CEP162: variants seen among roughly 807,000 people sequenced by gnomAD.
CEP162 encodes centrosomal protein 162.
In CEP162, 141 loss-of-function variants were observed where a neutral mutation model predicts 169.2. The ratio of observed to expected loss-of-function variants is 0.83; its 90% CI spans 0.73 to 0.96. The LOEUF is 0.96. CEP162 is among the 40% of genes least tolerant of loss of function. CEP162 has a pLI of 0.00. For synonymous variants in CEP162, 540 were observed against 526.4 expected (o/e 1.03, Z -0.35); for missense variants, 1,600 against 1,587.2 (o/e 1.01, Z -0.14).
intron 11 of CEP162, 55 bp downstream of exon 11, chr6:84,193,554 G>A: frequency 9.4e-7 from 1 of 1,065,870 alleles, no homozygotes; most frequent in Non-Finnish European, 1.4e-6. Context: ...TGATTACATA[G>A]AACAAATGAC....
chr6:84,125,159 A>G lies in CEP162; in HGVS notation c.4123T>C (p.Ser1375Pro). 6.2e-7 allele frequency: 1 copy of G among 1,613,474 alleles called. No homozygotes were observed. The highest frequency in any genetic ancestry group is 8.5e-7 in the Non-Finnish European group (1 of 1,179,634). Residue 1375 changes from serine (S) to proline (P), a missense_variant, in exon 27 of 27, where the codon TCA (serine) becomes CCA (proline). Coordinates refer to ENST00000403245, the MANE Select transcript of CEP162 (RefSeq NM_014895.4). Reference sequence around the variant, plus strand: ...AGCTCTCGGAGAACATCTAATATTGAGTCTAGTTCTGTGCGGAACTTCTCC... The same window carrying G: ...AGCTCTCGGAGAACATCTAATATTGGGTCTAGTTCTGTGCGGAACTTCTCC... ...ELEKFRTELD[S>P]ILDVLRELHR...
At chr6:84,181,647 A>T (rs1460111731) in intron 13 of CEP162, among the ~76,000 whole-genome samples, 4 of 152,158 alleles carry the variant, frequency 2.6e-5, no homozygotes, top group Non-Finnish European at 5.9e-5. Context: ...AAGAAAATTC[A>T]GTCAAAAAGA....
At chr6:84,188,521 T>C (rs968079525) in intron 11 of CEP162, among the ~76,000 whole-genome samples, 25 of 152,204 alleles carry the variant, frequency 1.6e-4, no homozygotes, top group Non-Finnish European at 3.1e-4. Flanking sequence ...CTTAGGACAA[T>C]GGCCTCTAGC....
rs376264121 is a variant in CEP162, at chr6:84,153,162, T to C, written c.3012A>G (p.Arg1004=). The change falls in exon 23 of 27, where the codon AGA becomes AGG. Residue 1004 remains arginine (R), a synonymous_variant. Transcript: ENST00000403245. ...CAAGTAGCTGCTCCTGCTGCTCTAGTCTTTGTTCATACTGAATCTGAAGGA... is the reference window on the plus strand; with the variant it reads ...CAAGTAGCTGCTCCTGCTGCTCTAGCCTTTGTTCATACTGAATCTGAAGGA... ...FQKMKIQYEQ[R]LEQQEQLLAC... 4 of 1,600,190 alleles carry C rather than the reference T, an allele frequency of 2.5e-6. No homozygotes were observed. The highest frequency in any genetic ancestry group is 3.4e-6 in the Non-Finnish European group (4 of 1,175,836).
intron 6 of CEP162, among the ~76,000 whole-genome samples, chr6:84,204,342 G>A (rs566816878): frequency 3.3e-5 from 5 of 151,992 alleles, no homozygotes; most frequent in African/African-American, 7.3e-5. Context: ...AGCACTCCTC[G>A]GCAAATGTAA....
At chr6:84,173,686 C>T (rs1038734534) in intron 16 of CEP162, among the ~76,000 whole-genome samples, 45 of 140,532 alleles carry the variant, frequency 3.2e-4, no homozygotes, top group Non-Finnish European at 6.0e-4. Flanking sequence ...TTTAATATAC[C>T]TTTTTTTTTT....
chr6:84,175,078 C>A, intron 14 of CEP162, 124 bp from the exon 15 acceptor site: 1 of 895,468 alleles, frequency 1.1e-6, no homozygotes. Flanking sequence ...AGAAAATTAA[C>A]TGTTTAGTAA....
At chr6:84,179,644 T>G (rs1199959571) in intron 13 of CEP162, among the ~76,000 whole-genome samples, 5 of 152,182 alleles carry the variant, frequency 3.3e-5, no homozygotes, top group Non-Finnish European at 7.3e-5. Context: ...TAGTTTCTTT[T>G]GCTGTGCAGA....
chr6:84,150,787 A>G (rs982360751), intron 23 of CEP162, among the ~76,000 whole-genome samples: 1 of 152,176 alleles, frequency 6.6e-6, no homozygotes, highest in African/African-American at 2.4e-5. Context: ...CAAGCTTTCC[A>G]TTTGGTAGCA....
In CEP162 at chr6:84,180,858, ATGG is replaced by A. The variant is rs1158584651; in HGVS notation, c.1663+4326_1663+4328del. ...ACGAAATAAAAGAGGACACAAACAA[ATGG>A]AAGAACATTCCATGCTCATGGATAG... On this transcript the variant is annotated intron_variant, in intron 13 of 26. Transcript: ENST00000403245. 3.4e-3 allele frequency among the ~76,000 whole-genome samples: 523 copies of A among 152,318 alleles called. 3 individuals carry two copies. The highest frequency in any genetic ancestry group is 0.012 in the African/African-American group (481 of 41,590).
At chr6:84,206,395 G>A (rs1220225068) in intron 6 of CEP162, among the ~76,000 whole-genome samples, 2 of 152,096 alleles carry the variant, frequency 1.3e-5, no homozygotes, top group Non-Finnish European at 2.9e-5. Context: ...GAACAGAACA[G>A]AGCCCTCAGA....
Position 84,186,628 on chromosome 6 carries a change from A to G in CEP162, c.1110-5T>C, listed in dbSNP as rs891253054. 1.9e-6 allele frequency: 3 copies of G among 1,592,690 alleles called. No homozygotes were observed. Among genetic ancestry groups the G allele is most frequent in the Middle Eastern group, 1.7e-4 (1 of 5,968 alleles). ...CTTTCGGCCACTTTCTCAGAGCTAT[A>G]AAACAAAACAGGACACAGATAATGA... On this transcript the variant is annotated splice_polypyrimidine_tract_variant and splice_region_variant and intron_variant, in intron 11 of 26. Coordinates refer to ENST00000403245, the MANE Select transcript of CEP162 (RefSeq NM_014895.4).
rs145725361 is a variant in CEP162, at chr6:84,161,853, G to A, written c.2569C>T (p.Arg857Cys). 461 of 1,583,054 alleles carry A rather than the reference G, an allele frequency of 2.9e-4. 1 individual carries two copies. In the African/African-American group the frequency reaches 4.2e-3, roughly 14 times the overall value. ...LEETHKQEIS[R>C]LQKRLQWYAE... The stretch of plus-strand genomic sequence containing the variant: ...TACCACTGTAATCTTTTTTGCAGAC[G>A]ACTGATTTCTTGTTTATGTGTTTCT... The change falls in exon 20 of 27, where the codon CGT becomes TGT. Residue 857 changes from arginine (R) to cysteine (C), a missense_variant. Coordinates refer to ENST00000403245, the MANE Select transcript of CEP162 (RefSeq NM_014895.4).
chr6:84,174,606 A>T, intron 15 of CEP162, 121 bp downstream of exon 15: 4 of 596,656 alleles, frequency 6.7e-6, no homozygotes, highest in Non-Finnish European at 1.1e-5. Context: ...TATATTTTAT[A>T]CAGCAAATAC....
At position 84,153,163 on chromosome 6, in the gene CEP162, C is replaced by G; in HGVS notation, c.3011G>C (p.Arg1004Thr). ...AAGTAGCTGCTCCTGCTGCTCTAGT[C>G]TTTGTTCATACTGAATCTGAAGGAA... ...FQKMKIQYEQ[R>T]LEQQEQLLAC... The change falls in exon 23 of 27, where the codon AGA becomes ACA. Residue 1004 changes from arginine (R) to threonine (T), a missense_variant. Arg to Thr is a moderately conservative substitution (Grantham distance 71). Transcript: ENST00000403245. 1 of 1,600,032 alleles carries G rather than the reference C, an allele frequency of 6.2e-7. No homozygotes were observed. Among genetic ancestry groups the G allele is most frequent in the Non-Finnish European group, 8.5e-7 (1 of 1,175,748 alleles).
chr6:84,154,396 C>CTATG (rs1753695000), intron 22 of CEP162, among the ~76,000 whole-genome samples: 1 of 150,964 alleles, frequency 6.6e-6, no homozygotes, highest in African/African-American at 2.4e-5. Context: ...ATCTATCTAT[C>CTATG]TATGTATCTA....
At chr6:84,127,867 GAGA>G (rs1321611774) in intron 25 of CEP162, among the ~76,000 whole-genome samples, 4 of 152,182 alleles carry the variant, frequency 2.6e-5, no homozygotes, top group East Asian at 1.9e-4. Flanking sequence ...CTGACTGGAA[GAGA>G]AGAAGGGCCA....
At chr6:84,227,522 C>T (rs1253008058) in intron 1 of CEP162, 58 bp downstream of exon 1, 1 of 152,174 alleles carries the variant, frequency 6.6e-6, no homozygotes, top group Admixed American at 6.5e-5. Flanking sequence ...GAGTATGAAG[C>T]ACGGCCTCGA....
In CEP162 at chr6:84,186,567, T is replaced by C. The variant is rs1346422313; in HGVS notation, c.1166A>G (p.Lys389Arg). Residue 389 changes from lysine to arginine, a missense_variant, in exon 12 of 27, where the codon AAG becomes AGG. Transcript: ENST00000403245. ...ETEFFSSLPL[K>R]MNPNILSQDS... Reference sequence around the variant, plus strand: ...TTGAGACAAAATATTTGGGTTCATCTTCAGGGGTAAAGAGCTAAAAAATTC... The same window carrying C: ...TTGAGACAAAATATTTGGGTTCATCCTCAGGGGTAAAGAGCTAAAAAATTC... 6.2e-7 allele frequency: 1 copy of C among 1,612,300 alleles called. No homozygotes were observed.
Sources: gnomAD v4.1 joint callset for allele counts (sites outside exome capture counted in the v4.1 genomes callset) on GRCh38, gnomAD v4.1.1 for gene constraint, MANE v1.5 for transcripts, NCBI Gene and HGNC (gene_info 2026-07-23, HGNC 2026-07-21) for gene names.